Variants in KSR1 observed in about 807,000 individuals in gnomAD.
KSR1 encodes the protein kinase suppressor of ras.
A neutral mutation model predicts 92.9 loss-of-function variants in KSR1; 35 were observed. The observed-to-expected ratio is 0.38, with a 90% confidence interval of 0.29 to 0.50. The LOEUF is 0.50. Ranked by LOEUF, KSR1 falls within the 20% of genes least tolerant of loss-of-function variation. The pLI is 0.94. For synonymous variants in KSR1, 467 were observed against 472.6 expected (o/e 0.99, Z 0.15); for missense variants, 972 against 1,158.5 (o/e 0.84, Z 2.34).
Position 27,623,439 on chromosome 17 carries a change from G to A in KSR1, c.*47G>A. 1 of 735,838 alleles carries A rather than the reference G, an allele frequency of 1.4e-6. No homozygotes were observed. Among genetic ancestry groups the A allele is most frequent in the Non-Finnish European group, 2.5e-6 (1 of 402,102 alleles). The allele number at this position is 735,838 out of a possible 1,614,324, so 45.6% of individuals were successfully genotyped here. A position where few individuals can be genotyped will look rare whatever the true frequency, so the allele number is the denominator to read the frequency against. The stretch of plus-strand genomic sequence containing the variant: ...GCTGATCTCTTTCTTTTTAAAATGT[G>A]TTTCTGAAACATCCCAACAACCACC... On this transcript the variant is annotated 3_prime_UTR_variant, in exon 21 of 21. Coordinates refer to ENST00000644974, the MANE Select transcript of KSR1 (RefSeq NM_001394583.1).
intron 4 of KSR1, among the ~76,000 whole-genome samples, chr17:27,584,908 C>T (rs1355808124): frequency 1.3e-5 from 2 of 152,164 alleles, no homozygotes; most frequent in Non-Finnish European, 2.9e-5. Flanking sequence ...CTCTGCCCTC[C>T]TGTCCAGCCA....
At chr17:27,526,375 C>A (rs1230230124) in intron 1 of KSR1, 1 of 1,453,406 alleles carries the variant, frequency 6.9e-7, no homozygotes. Context: ...AAGAGAGCCA[C>A]CCCCAAAGTC....
intron 19 of KSR1, among the ~76,000 whole-genome samples, chr17:27,618,404 T>G (rs1388223244): frequency 2.0e-5 from 3 of 152,202 alleles, no homozygotes; most frequent in Non-Finnish European, 4.4e-5. Flanking sequence ...CTGGGAAGTT[T>G]GTTCTGGGCC....
At chr17:27,588,139 T>A (rs1378134669) in intron 5 of KSR1, 1 of 177,288 alleles carries the variant, frequency 5.6e-6, no homozygotes, top group Non-Finnish European at 1.2e-5. Context: ...TTGCAAGAGG[T>A]TGGGCTGTGT....
chr17:27,483,825 C>T (rs948050420), intron 1 of KSR1: 2 of 152,276 alleles, frequency 1.3e-5, no homozygotes, highest in African/African-American at 4.8e-5. Context: ...AAGTCACCTT[C>T]TGCTGAAGGG....
At chr17:27,520,556 T>A (rs1444849835) in intron 1 of KSR1, among the ~76,000 whole-genome samples, 2 of 152,202 alleles carry the variant, frequency 1.3e-5, no homozygotes, top group African/African-American at 4.8e-5. Flanking sequence ...AATAAATAAA[T>A]AAAATGCTAA....
intron 2 of KSR1, among the ~76,000 whole-genome samples, chr17:27,573,462 T>C (rs2945401): frequency 0.44 from 66,631 of 152,086 alleles, 14,767 homozygotes; most frequent in Non-Finnish European, 0.48. Context: ...TTTCTGTATA[T>C]CATGAACTAT....
chr17:27,555,636 C>A (rs183801427), intron 2 of KSR1, among the ~76,000 whole-genome samples: 49 of 152,304 alleles, frequency 3.2e-4, no homozygotes, highest in South Asian at 8.3e-4. Flanking sequence ...TCAGTTATTT[C>A]CCCAGGGAGC....
At chr17:27,516,107 A>G (rs779207183) in intron 1 of KSR1, among the ~76,000 whole-genome samples, 1 of 152,170 alleles carries the variant, frequency 6.6e-6, no homozygotes, top group African/African-American at 2.4e-5. Flanking sequence ...TAAGAGACCT[A>G]TCACATCCAG....
intron 5 of KSR1, 153 bp from the exon 6 acceptor site, chr17:27,588,322 G>C: frequency 3.5e-6 from 2 of 569,252 alleles, no homozygotes; most frequent in Non-Finnish European, 2.9e-6. Flanking sequence ...AGCCTGGCCT[G>C]CTCCTGTGTT....
At chr17:27,513,318 C>T (rs1000411432) in intron 1 of KSR1, among the ~76,000 whole-genome samples, 10 of 152,048 alleles carry the variant, frequency 6.6e-5, no homozygotes, top group African/African-American at 2.2e-4. Flanking sequence ...GGGCTAGATG[C>T]GGTGGCTCAT....
intron 1 of KSR1, among the ~76,000 whole-genome samples, chr17:27,498,046 G>T (rs1295007569): frequency 6.6e-6 from 1 of 152,132 alleles, no homozygotes; most frequent in Admixed American, 6.5e-5. Context: ...AATGCCTCTT[G>T]AGGCTGGGAG....
intron 11 of KSR1, 96 bp from the exon 12 acceptor site, chr17:27,603,738 A>T: frequency 8.0e-7 from 1 of 1,248,792 alleles, no homozygotes. Flanking sequence ...TCAGGGGAAA[A>T]TCAGCCTCTC....
chr17:27,520,954 C>T (rs1404783674), intron 1 of KSR1, among the ~76,000 whole-genome samples: 2 of 152,240 alleles, frequency 1.3e-5, no homozygotes, highest in African/African-American at 4.8e-5. Context: ...ACAGCAGGCA[C>T]TATGGGCTGT....
At chr17:27,621,851 C>T in intron 20 of KSR1, 1 of 1,470,414 alleles carries the variant, frequency 6.8e-7, no homozygotes, top group Non-Finnish European at 9.5e-7. Flanking sequence ...TCTGGCCAGA[C>T]CTCTAGCTCC....
At chr17:27,622,968 T>G in intron 20 of KSR1, 3 of 305,276 alleles carry the variant, frequency 9.8e-6, no homozygotes, top group Non-Finnish European at 1.2e-5. Context: ...ATCCTGGGAG[T>G]CATGTTTCTC....
In KSR1 at chr17:27,604,717, C is replaced by G; in HGVS notation, c.1603C>G (p.His535Asp). 1 of 1,614,044 alleles carries G rather than the reference C, an allele frequency of 6.2e-7. No homozygotes were observed. Among genetic ancestry groups the G allele is most frequent in the Non-Finnish European group, 8.5e-7 (1 of 1,179,890 alleles). Residue 535 changes from histidine to aspartate, a missense_variant, in exon 13 of 21, where the codon CAC (histidine) becomes GAC (aspartate). Physicochemically the swap from His to Asp is moderately conservative, Grantham distance 81. Around this residue, in one of 5 missense-constraint regions of KSR1, gnomAD observed 611 missense variants for 668.0 expected, o/e 0.91. Coordinates refer to ENST00000644974, the MANE Select transcript of KSR1 (RefSeq NM_001394583.1). ...DQPKADVLEA[H>D]EAEAEEPEAG... Reference sequence around the variant, plus strand: ...GCCGAAAGCAGATGTGTTGGAAGCTCACGAAGCGGAGGTGAGGGTGACACA... The same window carrying G: ...GCCGAAAGCAGATGTGTTGGAAGCTGACGAAGCGGAGGTGAGGGTGACACA...
intron 3 of KSR1, among the ~76,000 whole-genome samples, chr17:27,581,746 G>A (rs1408013257): frequency 1.3e-5 from 2 of 152,154 alleles, no homozygotes; most frequent in South Asian, 2.1e-4. Context: ...ACAAGCACAA[G>A]GATGGGTCTT....
At chr17:27,506,978 G>A (rs907955257) in intron 1 of KSR1, among the ~76,000 whole-genome samples, 1 of 152,176 alleles carries the variant, frequency 6.6e-6, no homozygotes, top group Non-Finnish European at 1.5e-5. Context: ...GCACTGTCTA[G>A]AACTTTCTGC....
Sources: gnomAD v4.1 joint callset for allele counts (sites outside exome capture counted in the v4.1 genomes callset) on GRCh38, gnomAD v4.1.1 for gene constraint, gnomAD v4.1.1 regional missense constraint, MANE v1.5 for transcripts, NCBI Gene and HGNC (gene_info 2026-07-23, HGNC 2026-07-21) for gene names.